Variants in PIK3CA observed in about 807,000 individuals in gnomAD.
PIK3CA encodes phosphatidylinositol-4,5-bisphosphate 3-kinase catalytic subunit alpha.
A neutral mutation model predicts 138.2 loss-of-function variants in PIK3CA; 27 were observed. The ratio of observed to expected loss-of-function variants is 0.20; its 90% CI spans 0.14 to 0.27. The LOEUF (loss-of-function observed/expected upper bound fraction) is 0.27, where lower values mean the gene tolerates loss of function less well. Ranked by LOEUF, PIK3CA falls within the 10% of genes least tolerant of loss-of-function variation. PIK3CA has a pLI of 1.00. For missense variants in PIK3CA, 544 were observed against 1,277.4 expected, an observed-to-expected ratio of 0.43 and a Z score of 8.75; for synonymous variants, 358 against 413.2, an observed-to-expected ratio of 0.87 and a Z score of 1.62.
In PIK3CA at chr3:179,153,067, CTG is replaced by C. The variant is rs370939176; in HGVS notation, c.-77+4466_-77+4467del. On this transcript the variant is annotated intron_variant, in intron 1 of 20. Transcript: ENST00000263967. ...AAATCCAAAGATTTTGGTGAAGTCT[CTG>C]TTCACCAAACCTTAAAATTCAGGAG... Among the ~76,000 whole-genome samples, 1,020 of 152,222 alleles carry C rather than the reference CTG, an allele frequency of 6.7e-3. 63 individuals carry two copies. In the South Asian group the frequency reaches 0.14, roughly 20 times the overall value.
chr3:179,204,882 G>A (rs547061334), intron 6 of PIK3CA, among the ~76,000 whole-genome samples: 9 of 151,640 alleles, frequency 5.9e-5, no homozygotes, highest in South Asian at 4.2e-4. Context: ...TTAGCCGGGC[G>A]TGGTGGCGGG....
chr3:179,151,487 A>G (rs1473469253), intron 1 of PIK3CA, among the ~76,000 whole-genome samples: 1 of 152,226 alleles, frequency 6.6e-6, no homozygotes, highest in African/African-American at 2.4e-5. Flanking sequence ...GCTACACATT[A>G]GAATAATCTA....
At chr3:179,169,023 G>A (rs1723486579) in intron 1 of PIK3CA, 1 of 151,674 alleles carries the variant, frequency 6.6e-6, no homozygotes. Context: ...CTTTTGAGAT[G>A]TTTATTTATT....
At chr3:179,183,497 G>GA (rs1723901021) in intron 1 of PIK3CA, among the ~76,000 whole-genome samples, 1 of 152,108 alleles carries the variant, frequency 6.6e-6, no homozygotes, top group South Asian at 2.1e-4. Flanking sequence ...GTAGAGCCAG[G>GA]AAAAAGTTGT....
At chr3:179,159,123 G>A (rs1723212959) in intron 1 of PIK3CA, among the ~76,000 whole-genome samples, 2 of 152,050 alleles carry the variant, frequency 1.3e-5, no homozygotes. Context: ...TGCGATTTTT[G>A]TTGTAATTGT....
rs914546142 is a variant in PIK3CA at position 179,183,954 on chromosome 3, C to A, written c.-76-14796C>A. Among the ~76,000 whole-genome samples, 5 of 152,132 alleles carry A rather than the reference C, an allele frequency of 3.3e-5. No homozygotes were observed. The South Asian group carries it at 8.3e-4, about 25-fold the overall frequency. On this transcript the variant is annotated intron_variant, in intron 1 of 20. Transcript: ENST00000263967. ...TAATGGAAGCCATTAGGGCCTGTGT[C>A]TTGGCAGGAATTAAACTAAAAGCAA...
intron 14 of PIK3CA, among the ~76,000 whole-genome samples, chr3:179,221,906 C>T (rs982327788): frequency 6.6e-6 from 1 of 151,852 alleles, no homozygotes; most frequent in African/African-American, 2.4e-5. Context: ...CAGTGTTTCG[C>T]TTTGTTGCCC....
chr3:179,170,253 CCTTG>C (rs1723527492), intron 1 of PIK3CA, among the ~76,000 whole-genome samples: 2 of 152,042 alleles, frequency 1.3e-5, no homozygotes. Flanking sequence ...TATTTTTTTG[CCTTG>C]CTTTTGTAAG....
At chr3:179,226,254 A>C (rs549454157) in intron 17 of PIK3CA, among the ~76,000 whole-genome samples, 1 of 152,254 alleles carries the variant, frequency 6.6e-6, no homozygotes, top group South Asian at 2.1e-4. Flanking sequence ...TAAGCTAATA[A>C]ACACTCTGCT....
chr3:179,187,260 G>A (rs978378514), intron 1 of PIK3CA, among the ~76,000 whole-genome samples: 24 of 151,920 alleles, frequency 1.6e-4, no homozygotes, highest in Admixed American at 1.3e-4. Context: ...AAGGGAGGCC[G>A]GGTGCGGTGG....
intron 1 of PIK3CA, among the ~76,000 whole-genome samples, chr3:179,161,941 A>G (rs1163637534): frequency 1.3e-5 from 2 of 152,182 alleles, no homozygotes; most frequent in African/African-American, 2.4e-5. Flanking sequence ...CTGTTTATTC[A>G]ATATACCCTA....
Position 179,203,669 on chromosome 3 carries a change from A to G in PIK3CA, c.939A>G (p.Thr313=), listed in dbSNP as rs1382139686. 1 of 1,613,984 alleles carries G rather than the reference A, an allele frequency of 6.2e-7. No individual in the cohort carries two copies. The highest frequency in any genetic ancestry group is 8.5e-7 in the Non-Finnish European group (1 of 1,179,968). Residue 313 remains threonine (T), a synonymous_variant, in exon 5 of 21, where the codon ACA becomes ACG. Transcript: ENST00000263967. ...CATCTTATTCCAGACGCATTTCCAC[A>G]GCTACACCATATATGAATGGAGAAA... is the stretch of plus-strand genomic sequence containing the variant. The part of the protein sequence containing the change: ...TMPSYSRRIS[T]ATPYMNGETS...
chr3:179,165,190 C>T (rs776591364), intron 1 of PIK3CA, among the ~76,000 whole-genome samples: 1 of 152,148 alleles, frequency 6.6e-6, no homozygotes, highest in Non-Finnish European at 1.5e-5. Context: ...GAGATTAACA[C>T]TGCTTTCACA....
chr3:179,154,639 A>G (rs1723090277), intron 1 of PIK3CA, among the ~76,000 whole-genome samples: 1 of 152,168 alleles, frequency 6.6e-6, no homozygotes, highest in Non-Finnish European at 1.5e-5. Context: ...TTCTATATTG[A>G]TACAATAGGA....
At chr3:179,172,271 A>T (rs972578432) in intron 1 of PIK3CA, among the ~76,000 whole-genome samples, 11 of 152,186 alleles carry the variant, frequency 7.2e-5, no homozygotes, top group Admixed American at 2.0e-4. Flanking sequence ...TGAAAAAAAA[A>T]ATCATACTTC....
chr3:179,150,835 T>A (rs1722997354), intron 1 of PIK3CA, among the ~76,000 whole-genome samples: 1 of 152,254 alleles, frequency 6.6e-6, no homozygotes, highest in Non-Finnish European at 1.5e-5. Flanking sequence ...TGTGTGCCGC[T>A]TCTTATAAGT....
In PIK3CA at chr3:179,224,710, T is replaced by G. The variant is rs1576945574; in HGVS notation, c.2305T>G (p.Cys769Gly). Residue 769 changes from cysteine to glycine, a missense_variant, in exon 16 of 21, where the codon TGT becomes GGT. By Grantham distance (159) the Cys-to-Gly change is radical. Coordinates refer to ENST00000263967, the MANE Select transcript of PIK3CA (RefSeq NM_006218.4). ...TTAACTATTTTAAAGGCTTGAAGAG[T>G]GTCGAATTATGTCCTCTGCAAAAAG... ...HQLGNLRLEECRIMSSAKRPL... is the reference protein window; with the variant it reads ...HQLGNLRLEEGRIMSSAKRPL... 1 of 1,603,204 alleles carries G rather than the reference T, an allele frequency of 6.2e-7. No homozygotes were observed. The highest frequency in any genetic ancestry group is 8.5e-7 in the Non-Finnish European group (1 of 1,172,200).
At chr3:179,166,188 G>T (rs1000450165) in intron 1 of PIK3CA, among the ~76,000 whole-genome samples, 5 of 152,188 alleles carry the variant, frequency 3.3e-5, no homozygotes, top group African/African-American at 7.2e-5. Context: ...TGAGGAAAAT[G>T]ATATCTTGAG....
intron 9 of PIK3CA, among the ~76,000 whole-genome samples, chr3:179,211,683 CAAAAT>C (rs1374587399): frequency 6.6e-6 from 1 of 152,098 alleles, no homozygotes; most frequent in East Asian, 1.9e-4. Context: ...CAAAACAAAA[CAAAAT>C]GCTATGTAAT....
Sources: allele counts gnomAD v4.1 joint callset (sites outside exome capture counted in the v4.1 genomes callset), GRCh38; gene constraint gnomAD v4.1.1; transcripts MANE v1.5; gene names NCBI Gene and HGNC (gene_info 2026-07-23, HGNC 2026-07-21).